The following CNST variants were observed in gnomAD, a reference collection of about 807,000 sequenced individuals.
CNST encodes the protein consortin.
CNST carries 39 observed loss-of-function variants against 72.4 expected under a neutral mutation model. The observed-to-expected ratio is 0.54, with a 90% CI of 0.42 to 0.70. The LOEUF is 0.70. CNST is among the 30% of genes least tolerant of loss of function. The pLI is 0.00. For missense variants in CNST, 871 were observed against 868.5 expected, an observed-to-expected ratio of 1.00 and a Z score of -0.04; for synonymous variants, 332 against 320.1, an observed-to-expected ratio of 1.04 and a Z score of -0.40.
At chr1:246,630,560 A>C (rs966644065) in intron 3 of CNST, among the ~76,000 whole-genome samples, 6 of 152,232 alleles carry the variant, frequency 3.9e-5, no homozygotes, top group Non-Finnish European at 5.9e-5. Context: ...TTCCTTTAAA[A>C]GTATGCTGTT....
At position 246,578,527 on chromosome 1, in the gene CNST, T is replaced by C. The variant is rs543688979; in HGVS notation, c.-52+11864T>C. The stretch of plus-strand genomic sequence containing the variant: ...TCTACTAAACATACAAAAAATTAGC[T>C]GGGTGTGGTGGCACGTGCCTGTAGT... On this transcript the variant is annotated intron_variant, in intron 1 of 10. Transcript: ENST00000366513. Among the ~76,000 whole-genome samples, 755 of 151,014 alleles carry C rather than the reference T, an allele frequency of 5.0e-3. 10 individuals are homozygous for C. Among genetic ancestry groups the C allele is most frequent in the African/African-American group, 0.018 (719 of 40,420 alleles).
intron 2 of CNST, among the ~76,000 whole-genome samples, chr1:246,612,128 A>C (rs754739324): frequency 1.3e-5 from 2 of 152,240 alleles, no homozygotes; most frequent in Non-Finnish European, 2.9e-5. Flanking sequence ...TTTTATGAGC[A>C]CTGAGTTTCT....
At position 246,647,656 on chromosome 1, in the gene CNST, G is replaced by A. The variant is rs747755078; in HGVS notation, c.1455G>A (p.Gln485=). 3.1e-6 allele frequency: 5 copies of A among 1,614,188 alleles called. No homozygotes were observed. The highest frequency in any genetic ancestry group is 1.6e-4 in the Middle Eastern group (1 of 6,062). ...AGAACAATGAATTAAATGAGCTGCA[G>A]CAGCCTGATCTTACAGACAGTGATG... ...QLENNELNEL[Q]QPDLTDSDGK... Residue 485 remains glutamine, a synonymous_variant, in exon 9 of 11, where the codon CAG becomes CAA. Transcript: ENST00000366513.
chr1:246,633,746 G>GA (rs746900904), intron 4 of CNST, among the ~76,000 whole-genome samples, 178 bp from the exon 5 acceptor site: 213 of 113,854 alleles, frequency 1.9e-3, no homozygotes, highest in South Asian at 2.7e-3. Context: ...CCATCTCAAG[G>GA]AAAAAAAAAA....
At chr1:246,645,559 C>T (rs1353460005) in intron 8 of CNST, among the ~76,000 whole-genome samples, 2 of 151,528 alleles carry the variant, frequency 1.3e-5, no homozygotes, top group East Asian at 3.9e-4. Context: ...TCCCGAGTAG[C>T]TGGGACTACA....
chr1:246,660,352 G>A lies in CNST; in HGVS notation c.1972+18G>A. 1 of 1,607,034 alleles carries A rather than the reference G, an allele frequency of 6.2e-7. No individual in the cohort carries two copies. On this transcript the variant is annotated intron_variant, in intron 10 of 10. Coordinates refer to ENST00000366513, the MANE Select transcript of CNST (RefSeq NM_152609.3). ...GGATCAAGGTAAACCGCTTGGCACTGTGGCTAGCAGGATAGATGCTCAGTG... is the reference window on the plus strand; with the variant it reads ...GGATCAAGGTAAACCGCTTGGCACTATGGCTAGCAGGATAGATGCTCAGTG...
rs1319209594 is a variant in CNST at position 246,585,686 on chromosome 1, C to T, written c.-51-5826C>T. Among the ~76,000 whole-genome samples the T allele has an allele frequency of 5.1e-3, 712 of 138,810 alleles. 31 individuals carry two copies. Among genetic ancestry groups the T allele is most frequent in the African/African-American group, 0.019 (681 of 36,480 alleles). 91.1% of individuals were successfully genotyped at this position (138,810 alleles called of 152,430 possible). On this transcript the variant is annotated intron_variant, in intron 1 of 10. Coordinates refer to ENST00000366513, the MANE Select transcript of CNST (RefSeq NM_152609.3). ...AAATATACACACACACACACACACA[C>T]ACACACACACACACACACACACACA...
intron 1 of CNST, among the ~76,000 whole-genome samples, chr1:246,582,401 T>G (rs1270727080): frequency 1.3e-5 from 2 of 148,200 alleles, no homozygotes; most frequent in African/African-American, 5.1e-5. Context: ...CAGCCTGGAG[T>G]GCAGTGGTGT....
intron 4 of CNST, among the ~76,000 whole-genome samples, chr1:246,632,924 C>T (rs1664868364): frequency 1.3e-5 from 2 of 152,090 alleles, no homozygotes; most frequent in Non-Finnish European, 2.9e-5. Context: ...AAACACTTGA[C>T]CAGAGAGTCA....
intron 9 of CNST, among the ~76,000 whole-genome samples, chr1:246,649,550 C>T (rs1381172900): frequency 6.6e-6 from 1 of 152,086 alleles, no homozygotes; most frequent in Non-Finnish European, 1.5e-5. Context: ...CTCATGCCAA[C>T]AATCAAGTTG....
At chr1:246,615,244 C>T (rs1049454097) in intron 2 of CNST, among the ~76,000 whole-genome samples, 16 of 152,138 alleles carry the variant, frequency 1.1e-4, no homozygotes, top group Admixed American at 3.3e-4. Context: ...GGCGCGATCT[C>T]GGCTCACTGC....
intron 1 of CNST, among the ~76,000 whole-genome samples, chr1:246,586,111 A>ATGTGTGTGTGTGTGTG (rs113258007): frequency 2.3e-4 from 24 of 102,690 alleles, no homozygotes; most frequent in Non-Finnish European, 2.9e-4. Flanking sequence ...ATATATATAT[A>ATGTGTGTGTGTGTGTG]TGTGTGTGTG....
At chr1:246,623,168 A>G (rs1664199821) in intron 3 of CNST, among the ~76,000 whole-genome samples, 1 of 152,184 alleles carries the variant, frequency 6.6e-6, no homozygotes, top group Non-Finnish European at 1.5e-5. Context: ...GTACATGGGA[A>G]TGGAGAAAGT....
intron 1 of CNST, among the ~76,000 whole-genome samples, chr1:246,579,156 A>G (rs546910121): frequency 1.1e-4 from 17 of 152,342 alleles, no homozygotes; most frequent in African/African-American, 4.1e-4. Context: ...ATTCTGCTCT[A>G]TAATAGCTGT....
At chr1:246,623,506 C>A (rs1307715295) in intron 3 of CNST, among the ~76,000 whole-genome samples, 1 of 152,106 alleles carries the variant, frequency 6.6e-6, no homozygotes, top group East Asian at 1.9e-4. Flanking sequence ...AATCCCAGCA[C>A]TTTGGGAGGC....
intron 2 of CNST, chr1:246,606,689 T>A (rs1662855157): frequency 6.6e-6 from 1 of 151,312 alleles, no homozygotes; most frequent in Non-Finnish European, 1.5e-5. Flanking sequence ...TATTCGATGA[T>A]CCATTGCGGA....
At chr1:246,660,100 A>G (rs1667005599) in intron 9 of CNST, 99 bp from the exon 10 acceptor site, 2 of 985,764 alleles carry the variant, frequency 2.0e-6, no homozygotes, top group Middle Eastern at 3.1e-4. Context: ...TACCCCTGTA[A>G]TAAAAATTCA....
chr1:246,664,737 T>C (rs147586741), intron 10 of CNST, among the ~76,000 whole-genome samples: 2 of 152,322 alleles, frequency 1.3e-5, no homozygotes, highest in Non-Finnish European at 2.9e-5. Flanking sequence ...TAACACTGTC[T>C]TTTACTCTCA....
chr1:246,622,431 G>A (rs1461996473), intron 3 of CNST, among the ~76,000 whole-genome samples: 6 of 152,198 alleles, frequency 3.9e-5, no homozygotes, highest in Non-Finnish European at 8.8e-5. Context: ...AACAGAAGGC[G>A]ACTCTTGAGC....
Sources: gnomAD v4.1 joint callset for allele counts (sites outside exome capture counted in the v4.1 genomes callset) on GRCh38, gnomAD v4.1.1 for gene constraint, MANE v1.5 for transcripts, NCBI Gene and HGNC (gene_info 2026-07-23, HGNC 2026-07-21) for gene names.